Variants in PCSK5 observed in about 807,000 individuals in gnomAD.
The protein encoded by PCSK5 is proprotein convertase subtilisin/kexin type 5.
In PCSK5, 129 loss-of-function variants were observed where a neutral mutation model predicts 233.2. The observed-to-expected ratio is 0.55, with a 90% CI of 0.48 to 0.64. The LOEUF is 0.64. Ranked by LOEUF, PCSK5 falls within the 30% of genes least tolerant of loss-of-function variation. PCSK5 has a pLI of 0.00. For synonymous variants in PCSK5, 825 were observed against 879.2 expected, an observed-to-expected ratio of 0.94 and a Z score of 1.09; for missense variants, 2,076 against 2,430.1, an observed-to-expected ratio of 0.85 and a Z score of 3.06.
chr9:76,323,827 A>T (rs1424742100), intron 32 of PCSK5, among the ~76,000 whole-genome samples: 1 of 152,194 alleles, frequency 6.6e-6, no homozygotes, highest in East Asian at 1.9e-4. Flanking sequence ...TTTACAGCAG[A>T]GAGGAGGAGC....
At chr9:76,175,232 GAATGA>G (rs767586450) in intron 14 of PCSK5, 103 bp downstream of exon 14, 171,605 of 570,790 alleles carry the variant, frequency 0.3, 25,815 homozygotes, top group East Asian at 0.39. Flanking sequence ...AAATGGAATG[GAATGA>G]AATGGAATGG....
At chr9:76,187,878 A>G (rs1824180719) in intron 17 of PCSK5, among the ~76,000 whole-genome samples, 1 of 152,230 alleles carries the variant, frequency 6.6e-6, no homozygotes, top group Non-Finnish European at 1.5e-5. Flanking sequence ...GAAACACTAA[A>G]TAATAATATA....
intron 36 of PCSK5, among the ~76,000 whole-genome samples, chr9:76,351,725 C>CA: frequency 6.6e-6 from 1 of 151,536 alleles, no homozygotes; most frequent in African/African-American, 2.4e-5. Flanking sequence ...CATGGATTTT[C>CA]TGAAACCATG....
intron 1 of PCSK5, among the ~76,000 whole-genome samples, chr9:75,931,644 A>T (rs533267307): frequency 2.0e-5 from 3 of 152,324 alleles, no homozygotes; most frequent in African/African-American, 7.2e-5. Context: ...CCCAAAGTGG[A>T]CAGGGGCTTA....
intron 1 of PCSK5, among the ~76,000 whole-genome samples, chr9:75,903,857 A>G (rs1826158469): frequency 6.6e-6 from 1 of 151,830 alleles, no homozygotes; most frequent in African/African-American, 2.4e-5. Context: ...TTATAAGCAA[A>G]TATCCATAAT....
intron 24 of PCSK5, among the ~76,000 whole-genome samples, chr9:76,258,987 C>A (rs908158526): frequency 6.6e-6 from 1 of 152,098 alleles, no homozygotes; most frequent in African/African-American, 2.4e-5. Context: ...CCACTTGGGA[C>A]CCTAGCAAGC....
chr9:76,344,444 G>C (rs971471251), intron 35 of PCSK5, among the ~76,000 whole-genome samples: 1 of 152,166 alleles, frequency 6.6e-6, no homozygotes, highest in African/African-American at 2.4e-5. Context: ...GCACATGAAA[G>C]AATTAGCCTT....
At chr9:76,351,501 A>G (rs1264995090) in intron 36 of PCSK5, among the ~76,000 whole-genome samples, 4 of 116,150 alleles carry the variant, frequency 3.4e-5, no homozygotes, top group East Asian at 3.3e-4. Context: ...AGAAAGAAAG[A>G]AAGAAAGAAA....
chr9:76,035,231 T>C (rs1337119133), intron 5 of PCSK5, among the ~76,000 whole-genome samples: 1 of 152,230 alleles, frequency 6.6e-6, no homozygotes, highest in Admixed American at 6.5e-5. Flanking sequence ...GGAAAATGTT[T>C]AAATACCTCT....
intron 35 of PCSK5, among the ~76,000 whole-genome samples, chr9:76,342,965 T>C (rs549318208): frequency 6.6e-6 from 1 of 152,308 alleles, no homozygotes; most frequent in Admixed American, 6.5e-5. Context: ...GGTATTCTAG[T>C]GTCACTGTCT....
At chr9:75,987,316 T>C (rs532184792) in intron 3 of PCSK5, among the ~76,000 whole-genome samples, 1 of 152,154 alleles carries the variant, frequency 6.6e-6, no homozygotes, top group Non-Finnish European at 1.5e-5. Context: ...TTTTCCCTCC[T>C]CTGGTCTCTT....
At chr9:76,214,029 A>G (rs998966952) in intron 20 of PCSK5, among the ~76,000 whole-genome samples, 1 of 152,204 alleles carries the variant, frequency 6.6e-6, no homozygotes, top group Non-Finnish European at 1.5e-5. Context: ...AGACCCCAGA[A>G]TAAGCAAGAG....
At chr9:75,913,657 A>G (rs1021471573) in intron 1 of PCSK5, among the ~76,000 whole-genome samples, 1 of 152,138 alleles carries the variant, frequency 6.6e-6, no homozygotes, top group Non-Finnish European at 1.5e-5. Flanking sequence ...CTTTCATCTC[A>G]TGTCTCATTA....
upstream of PCSK5, chr9:75,890,547 G>A (rs570991711): frequency 3.4e-4 from 52 of 152,578 alleles, no homozygotes; most frequent in Non-Finnish European, 6.5e-4. Context: ...CTAGGACCTC[G>A]TCAGCGCCTG....
At chr9:76,008,669 C>A (rs2131447206) in intron 3 of PCSK5, among the ~76,000 whole-genome samples, 1 of 152,182 alleles carries the variant, frequency 6.6e-6, no homozygotes, top group African/African-American at 2.4e-5. Context: ...ACTGTGTTGG[C>A]CAGGATGGTC....
intron 3 of PCSK5, among the ~76,000 whole-genome samples, chr9:76,002,849 T>G (rs989597191): frequency 6.6e-6 from 1 of 152,154 alleles, no homozygotes; most frequent in Non-Finnish European, 1.5e-5. Context: ...TCTCTCCCAT[T>G]GCTGGATTCT....
chr9:75,973,805 C>T (rs1473545086), intron 2 of PCSK5, among the ~76,000 whole-genome samples: 1 of 152,198 alleles, frequency 6.6e-6, no homozygotes, highest in South Asian at 2.1e-4. Flanking sequence ...GGCCAACTCT[C>T]ATTTTAGTGC....
chr9:76,128,984 A>G (rs774082623), intron 9 of PCSK5, among the ~76,000 whole-genome samples: 3 of 152,150 alleles, frequency 2.0e-5, no homozygotes, highest in Non-Finnish European at 4.4e-5. Context: ...CAATCTGATG[A>G]TCCTTTCGGG....
rs141488332 is a variant in PCSK5, at chr9:76,248,182, G to A, written c.3142+7498G>A. On this transcript the variant is annotated intron_variant, in intron 24 of 37. Transcript: ENST00000674117. ...TGGCCTCAAGCAATCCTCCCATTTC[G>A]GCCTCACAAAGTGCTAGGATTACAG... is the stretch of plus-strand genomic sequence containing the variant. 1.3e-3 allele frequency among the ~76,000 whole-genome samples: 204 copies of A among 152,040 alleles called. 1 individual carries two copies. Among genetic ancestry groups the A allele is most frequent in the African/African-American group, 4.5e-3 (188 of 41,506 alleles).
Sources: gnomAD v4.1 joint callset for allele counts (sites outside exome capture counted in the v4.1 genomes callset) on GRCh38, gnomAD v4.1.1 for gene constraint, MANE v1.5 for transcripts, NCBI Gene and HGNC (gene_info 2026-07-23, HGNC 2026-07-21) for gene names.